Variants in CENPW observed in about 807,000 individuals in gnomAD.
CENPW encodes centromere protein W.
In CENPW, 3 loss-of-function variants were observed where a neutral mutation model predicts 11.1. The ratio of observed to expected loss-of-function variants is 0.27; its 90% confidence interval spans 0.12 to 0.70. CENPW has a LOEUF of 0.70. CENPW is among the 30% of genes least tolerant of loss of function. The pLI, the probability that CENPW is intolerant of heterozygous loss-of-function variation, is 0.77. For synonymous variants in CENPW, 38 were observed against 42.0 expected, an observed-to-expected ratio of 0.91 and a Z score of 0.37; for missense variants, 100 against 105.6, an observed-to-expected ratio of 0.95 and a Z score of 0.23.
chr6:126,450,934 C>A, the CENPW span, among the ~76,000 whole-genome samples: 1 of 150,630 alleles, frequency 6.6e-6, no homozygotes, highest in Non-Finnish European at 1.5e-5. Flanking sequence ...ATTTGAACTT[C>A]AGAAAAATGA....
At chr6:126,468,066 A>T in the CENPW span, among the ~76,000 whole-genome samples, 1 of 152,144 alleles carries the variant, frequency 6.6e-6, no homozygotes, top group Admixed American at 6.6e-5. Flanking sequence ...AAGGACACTC[A>T]AAAAGAAGAA....
the CENPW span, among the ~76,000 whole-genome samples, chr6:126,437,695 CCTT>C: frequency 1.3e-5 from 2 of 151,706 alleles, no homozygotes; most frequent in African/African-American, 4.8e-5. Flanking sequence ...ATTTTAAGCT[CCTT>C]GACCTTTTAT....
chr6:126,474,009 A>T, the CENPW span, among the ~76,000 whole-genome samples: 1 of 148,464 alleles, frequency 6.7e-6, no homozygotes, highest in Non-Finnish European at 1.5e-5. Flanking sequence ...GAATATATAT[A>T]TTCTATGTAT....
the CENPW span, among the ~76,000 whole-genome samples, chr6:126,378,093 C>A: frequency 1.3e-5 from 2 of 152,176 alleles, no homozygotes; most frequent in Non-Finnish European, 2.9e-5. Flanking sequence ...CTGAGTACTA[C>A]AAATTATCTT....
chr6:126,435,409 C>T, the CENPW span, among the ~76,000 whole-genome samples: 9 of 151,870 alleles, frequency 5.9e-5, no homozygotes, highest in African/African-American at 2.2e-4. Flanking sequence ...TATTTAGTCT[C>T]TCAGCCATTG....
the CENPW span, among the ~76,000 whole-genome samples, chr6:126,481,519 C>T: frequency 6.6e-6 from 1 of 152,022 alleles, no homozygotes; most frequent in African/African-American, 2.4e-5. Flanking sequence ...ATGCTTGTGA[C>T]AGAGAGAATG....
At chr6:126,449,582 T>G in the CENPW span, among the ~76,000 whole-genome samples, 1 of 151,104 alleles carries the variant, frequency 6.6e-6, no homozygotes, top group African/African-American at 2.4e-5. Context: ...CCAATTAATC[T>G]CTGCAGATTT....
chr6:126,340,766 G>T lies in CENPW; in HGVS notation c.126+367G>T, dbSNP rs191930566. Among the ~76,000 whole-genome samples, 112 of 152,286 alleles carry T rather than the reference G, an allele frequency of 7.4e-4. 1 individual carries two copies. Among genetic ancestry groups the T allele is most frequent in the African/African-American group, 2.6e-3 (108 of 41,568 alleles). On this transcript the variant is annotated intron_variant, in intron 1 of 2. Coordinates refer to ENST00000368328, the MANE Select transcript of CENPW (RefSeq NM_001012507.4). Reference sequence around the variant, plus strand: ...TGAAAGAATCACCCTTTAAAAAATAGATTTTGGAATTCAGTCTGGGTCATT... The same window carrying T: ...TGAAAGAATCACCCTTTAAAAAATATATTTTGGAATTCAGTCTGGGTCATT...
At chr6:126,390,522 T>C in the CENPW span, among the ~76,000 whole-genome samples, 3 of 151,938 alleles carry the variant, frequency 2.0e-5, no homozygotes, top group South Asian at 2.1e-4. Context: ...TTATTGACTA[T>C]AGTTACCCAA....
the CENPW span, among the ~76,000 whole-genome samples, chr6:126,357,433 ATTT>A: frequency 6.6e-6 from 1 of 151,532 alleles, no homozygotes; most frequent in African/African-American, 2.4e-5. Flanking sequence ...TTCCATGTGA[ATTT>A]TTTTTCTAAT....
At chr6:126,366,756 G>C in the CENPW span, among the ~76,000 whole-genome samples, 2 of 152,126 alleles carry the variant, frequency 1.3e-5, no homozygotes, top group African/African-American at 4.8e-5. Flanking sequence ...GGCTATTGCA[G>C]AATACCTGAG....
chr6:126,470,289 A>G, the CENPW span, among the ~76,000 whole-genome samples: 1 of 152,204 alleles, frequency 6.6e-6, no homozygotes, highest in Non-Finnish European at 1.5e-5. Context: ...AAAAGAGGCA[A>G]ATGTACATCT....
chr6:126,425,860 GC>G, the CENPW span, among the ~76,000 whole-genome samples: 1 of 150,788 alleles, frequency 6.6e-6, no homozygotes, highest in Middle Eastern at 3.5e-3. Flanking sequence ...CTAAGGTACA[GC>G]ATGAAAAAGG....
chr6:126,358,733 G>C, the CENPW span, among the ~76,000 whole-genome samples: 1 of 152,050 alleles, frequency 6.6e-6, no homozygotes, highest in Admixed American at 6.6e-5. Flanking sequence ...GAATGAGTTA[G>C]GGAGAAGCCC....
At chr6:126,369,431 T>G in the CENPW span, among the ~76,000 whole-genome samples, 5 of 152,224 alleles carry the variant, frequency 3.3e-5, no homozygotes, top group Non-Finnish European at 7.3e-5. Flanking sequence ...ACAACATCCT[T>G]GCCAACATAC....
intron 2 of CENPW, among the ~76,000 whole-genome samples, chr6:126,346,685 C>T (rs1015702901): frequency 6.6e-6 from 1 of 151,862 alleles, no homozygotes; most frequent in African/African-American, 2.4e-5. Context: ...AAAGAAATAC[C>T]CAAGACTGGG....
the CENPW span, among the ~76,000 whole-genome samples, chr6:126,383,149 C>T: frequency 6.6e-6 from 1 of 152,068 alleles, no homozygotes; most frequent in South Asian, 2.1e-4. Flanking sequence ...GAAATTCCAA[C>T]CAAGAATTTT....
the CENPW span, among the ~76,000 whole-genome samples, chr6:126,431,739 T>C: frequency 5.4e-4 from 82 of 152,014 alleles, no homozygotes; most frequent in Non-Finnish European, 1.1e-3. Flanking sequence ...CGCAGCAACC[T>C]GGAGGAGAGT....
At chr6:126,412,685 A>G in the CENPW span, among the ~76,000 whole-genome samples, 1 of 152,126 alleles carries the variant, frequency 6.6e-6, no homozygotes, top group Non-Finnish European at 1.5e-5. Context: ...TTATGCCTAC[A>G]TTTATGCACT....
Sources: gnomAD v4.1 joint callset for allele counts (sites outside exome capture counted in the v4.1 genomes callset) on GRCh38, gnomAD v4.1.1 for gene constraint, MANE v1.5 for transcripts, NCBI Gene and HGNC (gene_info 2026-07-23, HGNC 2026-07-21) for gene names.